Variants in ST3GAL3 observed in about 807,000 individuals in gnomAD.
ST3GAL3 encodes the protein ST3 beta-galactoside alpha-2,3-sialyltransferase 3.
Under a neutral mutation model 50.1 loss-of-function variants are expected in ST3GAL3, and 21 were observed. That is an observed-to-expected ratio of 0.42 (90% CI 0.30 to 0.60). The LOEUF is 0.60. ST3GAL3 is among the 20% of genes least tolerant of loss of function. The pLI, the probability that ST3GAL3 is intolerant of heterozygous loss-of-function variation, is 0.19. For synonymous variants in ST3GAL3, 183 were observed against 190.0 expected (o/e 0.96, Z 0.30); for missense variants, 353 against 489.4 (o/e 0.72, Z 2.63).
At chr1:43,725,785 T>A (rs575002128) in intron 1 of ST3GAL3, among the ~76,000 whole-genome samples, 1 of 152,246 alleles carries the variant, frequency 6.6e-6, no homozygotes, top group African/African-American at 2.4e-5. Context: ...TTGCTGGGAC[T>A]ACAGGCACGC....
At chr1:43,791,271 G>T (rs2058043384) in intron 2 of ST3GAL3, among the ~76,000 whole-genome samples, 1 of 152,062 alleles carries the variant, frequency 6.6e-6, no homozygotes, top group African/African-American at 2.4e-5. Flanking sequence ...TAAATAGTTT[G>T]TTCTTTGGTA....
At position 43,844,654 on chromosome 1, in the gene ST3GAL3, A is replaced by T. The variant is rs534832689; in HGVS notation, c.302+6343A>T. 9.2e-5 allele frequency among the ~76,000 whole-genome samples: 14 copies of T among 151,662 alleles called. No individual in the cohort carries two copies. The East Asian group carries it at 2.3e-3, about 25-fold the overall frequency. ...GTGAAACCCCGTCTCTACCAAAAAT[A>T]AAAAAAAATTAGCCGGGCGTGGTGG... On this transcript the variant is annotated intron_variant, in intron 5 of 11. Transcript: ENST00000347631.
intron 5 of ST3GAL3, among the ~76,000 whole-genome samples, chr1:43,882,033 G>T (rs186019906): frequency 1.3e-5 from 2 of 152,326 alleles, no homozygotes; most frequent in African/African-American, 4.8e-5. Flanking sequence ...TGCAAGCCGG[G>T]GGGTGCTACA....
At chr1:43,923,772 C>T (rs902432460) in intron 11 of ST3GAL3, among the ~76,000 whole-genome samples, 1 of 152,022 alleles carries the variant, frequency 6.6e-6, no homozygotes, top group Non-Finnish European at 1.5e-5. Flanking sequence ...TGCCATCACA[C>T]CTGGCTAATT....
At chr1:43,813,962 A>G (rs568648221) in intron 3 of ST3GAL3, among the ~76,000 whole-genome samples, 37 of 152,044 alleles carry the variant, frequency 2.4e-4, no homozygotes, top group Non-Finnish European at 2.5e-4. Flanking sequence ...GCCATAAGAA[A>G]TAATCCCATG....
At chr1:43,824,071 T>G (rs531813440) in intron 4 of ST3GAL3, among the ~76,000 whole-genome samples, 1 of 152,334 alleles carries the variant, frequency 6.6e-6, no homozygotes, top group South Asian at 2.1e-4. Flanking sequence ...ATGCCTAGTA[T>G]AGTGTTTATG....
At chr1:43,767,667 T>C (rs896114600) in intron 2 of ST3GAL3, among the ~76,000 whole-genome samples, 2 of 117,928 alleles carry the variant, frequency 1.7e-5, no homozygotes, top group Non-Finnish European at 3.2e-5. Context: ...ACTGAAAATA[T>C]CAAAACTTGG....
intron 5 of ST3GAL3, among the ~76,000 whole-genome samples, chr1:43,844,087 G>A (rs190200189): frequency 8.7e-4 from 133 of 152,360 alleles, no homozygotes; most frequent in African/African-American, 3.2e-3. Context: ...AAAGGATACG[G>A]ATGAACAGCC....
At chr1:43,817,650 CCTCCTT>C (rs1182284541) in intron 4 of ST3GAL3, among the ~76,000 whole-genome samples, 33 of 104,386 alleles carry the variant, frequency 3.2e-4, no homozygotes, top group African/African-American at 1.2e-3. Flanking sequence ...TTCTCCTCCT[CCTCCTT>C]CTCCTTCTTC....
chr1:43,844,853 G>A (rs1263122196), intron 5 of ST3GAL3, among the ~76,000 whole-genome samples: 1 of 151,492 alleles, frequency 6.6e-6, no homozygotes, highest in Non-Finnish European at 1.5e-5. Flanking sequence ...CTAGATATTA[G>A]AACAAAAGAT....
chr1:43,902,418 G>A (rs1035818610), intron 9 of ST3GAL3, among the ~76,000 whole-genome samples: 1 of 152,188 alleles, frequency 6.6e-6, no homozygotes, highest in Non-Finnish European at 1.5e-5. Context: ...GGGGCAGGGG[G>A]GAAGATGTAG....
At chr1:43,793,576 C>G (rs1489679057) in intron 3 of ST3GAL3, among the ~76,000 whole-genome samples, 1 of 152,186 alleles carries the variant, frequency 6.6e-6, no homozygotes, top group Non-Finnish European at 1.5e-5. Context: ...TAGAGCCCAT[C>G]CTCTCTCCCT....
At chr1:43,824,348 T>C (rs556110016) in intron 4 of ST3GAL3, among the ~76,000 whole-genome samples, 168 of 151,606 alleles carry the variant, frequency 1.1e-3, no homozygotes, top group African/African-American at 3.8e-3. Context: ...GATGGCCAGC[T>C]TCTCTTTAAT....
intron 2 of ST3GAL3, among the ~76,000 whole-genome samples, chr1:43,763,367 C>T (rs916980899): frequency 1.3e-5 from 2 of 152,112 alleles, no homozygotes; most frequent in South Asian, 2.1e-4. Context: ...ATATTCCTTA[C>T]AATTACGAGA....
intron 2 of ST3GAL3, among the ~76,000 whole-genome samples, chr1:43,747,823 C>T (rs1013793774): frequency 2.6e-5 from 4 of 151,900 alleles, no homozygotes; most frequent in Admixed American, 6.6e-5. Context: ...TCAGGTGATC[C>T]GCTTGCCTTG....
chr1:43,805,623 C>A (rs1016756852), intron 3 of ST3GAL3, among the ~76,000 whole-genome samples: 16 of 152,348 alleles, frequency 1.1e-4, no homozygotes, highest in African/African-American at 3.1e-4. Context: ...TCTAGACTAG[C>A]AGAGGAGAGG....
At chr1:43,927,238 T>C (rs924132907) in intron 11 of ST3GAL3, among the ~76,000 whole-genome samples, 8 of 152,044 alleles carry the variant, frequency 5.3e-5, no homozygotes, top group African/African-American at 1.9e-4. Flanking sequence ...GGCAGGAGAA[T>C]TGCTTGAACC....
intron 2 of ST3GAL3, 35 bp from the exon 3 acceptor site, chr1:43,792,067 G>C (rs1430918125): frequency 6.2e-7 from 1 of 1,613,792 alleles, no homozygotes; most frequent in Non-Finnish European, 8.5e-7. Context: ...ATTATAAGAA[G>C]GAGAAAGAAA....
intron 9 of ST3GAL3, among the ~76,000 whole-genome samples, chr1:43,905,921 A>G (rs1318041284): frequency 2.8e-4 from 12 of 42,948 alleles, no homozygotes; most frequent in Non-Finnish European, 2.7e-4. Context: ...TCCTCTTCCC[A>G]CCACTCTTCC....
Sources: allele counts gnomAD v4.1 joint callset (sites outside exome capture counted in the v4.1 genomes callset), GRCh38; gene constraint gnomAD v4.1.1; transcripts MANE v1.5; gene names NCBI Gene and HGNC (gene_info 2026-07-23, HGNC 2026-07-21).